FTO: variants seen among roughly 807,000 people sequenced by gnomAD.
FTO encodes the protein FTO alpha-ketoglutarate dependent dioxygenase, also known as alpha-ketoglutarate-dependent dioxygenase FTO.
Under a neutral mutation model 63.9 loss-of-function variants are expected in FTO, and 47 were observed. The observed-to-expected ratio is 0.74, with a 90% CI of 0.58 to 0.94. The LOEUF is 0.94. Among genes scored for constraint, FTO ranks in the 40% least tolerant of loss-of-function variants. The pLI is 0.00. For synonymous variants in FTO, 207 were observed against 224.4 expected (o/e 0.92, Z 0.69); for missense variants, 562 against 618.1 (o/e 0.91, Z 0.96).
At chr16:53,772,981 G>A (rs988143607) in intron 1 of FTO, among the ~76,000 whole-genome samples, 1 of 151,822 alleles carries the variant, frequency 6.6e-6, no homozygotes, top group African/African-American at 2.4e-5. Context: ...TTTCTCCCTT[G>A]GAATGTTCTT....
intron 1 of FTO, among the ~76,000 whole-genome samples, chr16:53,713,798 G>C (rs1314085081): frequency 6.6e-6 from 1 of 152,186 alleles, no homozygotes; most frequent in Non-Finnish European, 1.5e-5. Context: ...ATTGTAAACT[G>C]TAGGTACAAT....
At chr16:53,998,098 G>A (rs1051702036) in intron 8 of FTO, among the ~76,000 whole-genome samples, 1 of 152,126 alleles carries the variant, frequency 6.6e-6, no homozygotes, top group Non-Finnish European at 1.5e-5. Flanking sequence ...GATGTAGACC[G>A]CTCTTTCAGA....
chr16:53,766,287 G>A (rs992745492), intron 1 of FTO, among the ~76,000 whole-genome samples: 13 of 152,062 alleles, frequency 8.5e-5, no homozygotes, highest in African/African-American at 2.7e-4. Flanking sequence ...GTGCAGTGGC[G>A]CGATCGTGGC....
chr16:53,883,640 A>AAAAAAAAAAAAAAAAAAC (rs1567396651), intron 6 of FTO, among the ~76,000 whole-genome samples: 1 of 150,196 alleles, frequency 6.7e-6, no homozygotes, highest in African/African-American at 2.5e-5. Flanking sequence ...AAAAAACAAA[A>AAAAAAAAAAAAAAAAAAC]AAAAAAAAAC....
rs553928304 is a variant in FTO, at chr16:53,927,990, T to TGCC, written c.1240-5995_1240-5994insGCC. On this transcript the variant is annotated intron_variant, in intron 7 of 8. Transcript: ENST00000471389. ...TAGCACAAGGTAGATTGGCAGAGTT[T>TGCC]AAGATGAAAGTAAACAATAATAATC... Among the ~76,000 whole-genome samples the TGCC allele has an allele frequency of 1.1e-3, 169 of 152,274 alleles. 1 individual carries two copies. Among genetic ancestry groups the TGCC allele is most frequent in the African/African-American group, 3.9e-3 (163 of 41,570 alleles).
At chr16:53,749,335 C>T (rs2076724376) in intron 1 of FTO, among the ~76,000 whole-genome samples, 1 of 151,948 alleles carries the variant, frequency 6.6e-6, no homozygotes, top group African/African-American at 2.4e-5. Context: ...ATTGCTCTGG[C>T]AATACTCTAA....
intron 7 of FTO, chr16:53,911,360 G>A (rs1243670872): frequency 1.4e-6 from 1 of 703,162 alleles, no homozygotes; most frequent in East Asian, 2.7e-5. Context: ...GTGAGAAGAG[G>A]ACCAGGAGTA....
intron 1 of FTO, among the ~76,000 whole-genome samples, chr16:53,738,648 T>A (rs1465112265): frequency 6.6e-6 from 1 of 152,148 alleles, no homozygotes; most frequent in Non-Finnish European, 1.5e-5. Context: ...AGTCTATGTT[T>A]GGCAGTTTTT....
chr16:54,039,187 C>T (rs1448490903), intron 8 of FTO, among the ~76,000 whole-genome samples: 1 of 152,200 alleles, frequency 6.6e-6, no homozygotes, highest in African/African-American at 2.4e-5. Context: ...CATTAACTCC[C>T]AGACCCCAGG....
At chr16:53,954,090 G>GTAGA (rs774724307) in intron 8 of FTO, among the ~76,000 whole-genome samples, 42 of 152,312 alleles carry the variant, frequency 2.8e-4, no homozygotes, top group Admixed American at 1.2e-3. Flanking sequence ...TTGGCAAGGA[G>GTAGA]TAGATGTTCA....
At chr16:53,915,281 C>A (rs2151947430) in intron 7 of FTO, among the ~76,000 whole-genome samples, 1 of 152,264 alleles carries the variant, frequency 6.6e-6, no homozygotes, top group East Asian at 1.9e-4. Flanking sequence ...ACTTTACATT[C>A]CTGTTTATCA....
chr16:54,005,546 G>A lies in FTO; in HGVS notation c.1364+71437G>A, dbSNP rs191725183. Among the ~76,000 whole-genome samples, 47 of 151,892 alleles carry A rather than the reference G, an allele frequency of 3.1e-4. 1 individual carries two copies. The East Asian group carries it at 6.8e-3, about 22-fold the overall frequency. Reference sequence around the variant, plus strand: ...ACTTTTCATCTCATTTAAACCTCACGAGAGTTCTTTGGTGAAGATATGATT... The same window carrying A: ...ACTTTTCATCTCATTTAAACCTCACAAGAGTTCTTTGGTGAAGATATGATT... On this transcript the variant is annotated intron_variant, in intron 8 of 8. Transcript: ENST00000471389.
At chr16:53,951,605 A>G (rs148635714) in intron 8 of FTO, among the ~76,000 whole-genome samples, 1 of 152,328 alleles carries the variant, frequency 6.6e-6, no homozygotes, top group Non-Finnish European at 1.5e-5. Flanking sequence ...TTGTGTATAT[A>G]GGGAGACATT....
chr16:53,800,780 A>G (rs1450487159), intron 1 of FTO, among the ~76,000 whole-genome samples: 1 of 152,130 alleles, frequency 6.6e-6, no homozygotes, highest in Non-Finnish European at 1.5e-5. Flanking sequence ...ATATCAATAT[A>G]GCCACTTCAA....
chr16:53,953,397 A>G (rs79572579), intron 8 of FTO, among the ~76,000 whole-genome samples: 3,725 of 152,294 alleles, frequency 0.024, 144 homozygotes, highest in African/African-American at 0.085. Context: ...CTGGAATTGT[A>G]GGCCTTGTAA....
chr16:53,799,649 G>A (rs534335410), intron 1 of FTO, among the ~76,000 whole-genome samples: 141 of 152,236 alleles, frequency 9.3e-4, no homozygotes, highest in African/African-American at 3.2e-3. Context: ...CAGGGCTCCA[G>A]AGTCCTCATC....
intron 1 of FTO, among the ~76,000 whole-genome samples, chr16:53,751,333 C>T (rs920202843): frequency 2.0e-5 from 3 of 152,162 alleles, no homozygotes; most frequent in Admixed American, 6.5e-5. Context: ...TGGCCGGTGC[C>T]TGTAGTCCCA....
rs2080449 is a variant in FTO at position 54,018,518 on chromosome 16, A to G, written c.1364+84409A>G. Among the ~76,000 whole-genome samples, 3 of 151,928 alleles carry G rather than the reference A, an allele frequency of 2.0e-5. No homozygotes were observed. The East Asian group carries it at 5.8e-4, about 30-fold the overall frequency. On this transcript the variant is annotated intron_variant, in intron 8 of 8. Transcript: ENST00000471389. ...CCTTAATGGACAAATGGTGATATGG[A>G]TTGGCTGTGTCCCCACCCAAATCTC...
chr16:53,903,293 C>T (rs1018428695), intron 7 of FTO, among the ~76,000 whole-genome samples: 1 of 147,686 alleles, frequency 6.8e-6, no homozygotes, highest in African/African-American at 2.5e-5. Context: ...GAGTCTTCCT[C>T]TGTTGCCCAG....
Sources: gnomAD v4.1 joint callset for allele counts (sites outside exome capture counted in the v4.1 genomes callset) on GRCh38, gnomAD v4.1.1 for gene constraint, MANE v1.5 for transcripts, NCBI Gene and HGNC (gene_info 2026-07-23, HGNC 2026-07-21) for gene names.